The following CPNE4 variants were observed in gnomAD, a reference collection of about 807,000 sequenced individuals.
CPNE4 encodes the protein copine 4, also known as copine-4.
Under a neutral mutation model 67.9 loss-of-function variants are expected in CPNE4, and 25 were observed. That is an observed-to-expected ratio of 0.37 (90% CI 0.27 to 0.51). The LOEUF (loss-of-function observed/expected upper bound fraction) is 0.51. Among genes scored for constraint, CPNE4 ranks in the 20% least tolerant of loss-of-function variants. CPNE4 has a pLI of 0.93. For synonymous variants in CPNE4, 242 were observed against 244.9 expected, an observed-to-expected ratio of 0.99 and a Z score of 0.11; for missense variants, 464 against 690.8, an observed-to-expected ratio of 0.67 and a Z score of 3.68.
chr3:131,594,378 A>G (rs139501342), intron 7 of CPNE4, among the ~76,000 whole-genome samples: 18 of 152,346 alleles, frequency 1.2e-4, no homozygotes, highest in South Asian at 4.1e-4. Context: ...CAGAATAGAG[A>G]GGCCAAAACC....
chr3:131,656,395 G>A (rs191182509), intron 7 of CPNE4, among the ~76,000 whole-genome samples: 67 of 152,208 alleles, frequency 4.4e-4, no homozygotes, highest in Middle Eastern at 3.4e-3. Context: ...CACTAGCATC[G>A]ATATATGTGG....
intron 2 of CPNE4, among the ~76,000 whole-genome samples, chr3:131,759,800 A>G (rs1484809647): frequency 6.6e-6 from 1 of 152,232 alleles, no homozygotes; most frequent in Non-Finnish European, 1.5e-5. Context: ...AATTAGCATA[A>G]TGAGAAATGA....
chr3:131,866,768 C>T (rs2086970339), intron 2 of CPNE4, among the ~76,000 whole-genome samples: 1 of 152,252 alleles, frequency 6.6e-6, no homozygotes, highest in Non-Finnish European at 1.5e-5. Context: ...AACATGGAAA[C>T]AGGGAAGATT....
At chr3:131,793,520 C>T (rs1025818895) in intron 2 of CPNE4, among the ~76,000 whole-genome samples, 2 of 152,216 alleles carry the variant, frequency 1.3e-5, no homozygotes, top group African/African-American at 4.8e-5. Flanking sequence ...CTGGGCACCA[C>T]CCTAGACTAG....
At chr3:131,740,404 A>G (rs1224096947) in intron 2 of CPNE4, among the ~76,000 whole-genome samples, 1 of 152,178 alleles carries the variant, frequency 6.6e-6, no homozygotes, top group South Asian at 2.1e-4. Flanking sequence ...CTCAAACTTT[A>G]CATGCCTATA....
intron 6 of CPNE4, among the ~76,000 whole-genome samples, chr3:131,672,886 T>G (rs1362260131): frequency 3.3e-5 from 5 of 152,110 alleles, no homozygotes; most frequent in Non-Finnish European, 5.9e-5. Flanking sequence ...CTTGTGCTTG[T>G]GGGGTATTAT....
intron 2 of CPNE4, among the ~76,000 whole-genome samples, chr3:131,814,577 T>C: frequency 1.8e-4 from 1 of 5,508 alleles, no homozygotes; most frequent in Non-Finnish European, 3.1e-4. Context: ...ATGCAATTTT[T>C]TTTTTTTTTT....
At chr3:131,646,541 A>G (rs1223492070) in intron 7 of CPNE4, among the ~76,000 whole-genome samples, 4 of 152,146 alleles carry the variant, frequency 2.6e-5, no homozygotes, top group African/African-American at 9.7e-5. Flanking sequence ...ATTCAGAAAG[A>G]GAGAGTCCTG....
At chr3:131,759,522 T>C (rs927275019) in intron 2 of CPNE4, among the ~76,000 whole-genome samples, 2 of 152,106 alleles carry the variant, frequency 1.3e-5, no homozygotes, top group African/African-American at 4.8e-5. Flanking sequence ...GTCCTTCCCC[T>C]GCCACTCAAG....
At chr3:131,666,253 T>C (rs1208463561) in intron 7 of CPNE4, among the ~76,000 whole-genome samples, 1 of 68,856 alleles carries the variant, frequency 1.5e-5, no homozygotes, top group Non-Finnish European at 3.2e-5. Flanking sequence ...AAACATTTAA[T>C]ATAATTATAA....
At chr3:131,982,363 G>C in intron 1 of CPNE4, among the ~76,000 whole-genome samples, 1 of 152,150 alleles carries the variant, frequency 6.6e-6, no homozygotes, top group East Asian at 1.9e-4. Flanking sequence ...GAATTCTTAA[G>C]AGCCCAATTA....
Position 131,581,644 on chromosome 3 carries a change from G to T in CPNE4, c.802C>A (p.Pro268Thr), listed in dbSNP as rs756733844. The T allele has an allele frequency of 1.9e-6, 3 of 1,612,900 alleles. 1 individual carries two copies. The South Asian group carries it at 3.3e-5, about 18-fold the overall frequency. ...TTCTTCTTCTTGGCTTTGTACTTGG[G>T]ATTGATGCACTCCCACTGCACCTGA... ...GKQVQWECINPKYKAKKKNYK... is the reference protein window; with the variant it reads ...GKQVQWECINTKYKAKKKNYK... The change falls in exon 9 of 16, where the codon CCC (proline) becomes ACC (threonine). Residue 268 changes from proline to threonine, a missense_variant. By Grantham distance (38) the Pro-to-Thr change is conservative (BLOSUM62 -1). Transcript: ENST00000429747.
At chr3:131,869,204 A>G (rs532019415) in intron 2 of CPNE4, among the ~76,000 whole-genome samples, 5 of 152,218 alleles carry the variant, frequency 3.3e-5, no homozygotes, top group African/African-American at 1.2e-4. Context: ...GACAAATCTT[A>G]TCACTTCCAG....
chr3:131,775,732 T>C (rs1201201043), intron 2 of CPNE4, among the ~76,000 whole-genome samples: 1 of 152,182 alleles, frequency 6.6e-6, no homozygotes, highest in African/African-American at 2.4e-5. Flanking sequence ...CCTGTTTCTT[T>C]TGTAGATTGC....
intron 2 of CPNE4, among the ~76,000 whole-genome samples, chr3:131,890,314 T>A (rs373057124): frequency 4.6e-5 from 7 of 151,912 alleles, no homozygotes; most frequent in African/African-American, 1.7e-4. Flanking sequence ...GACATAAAAA[T>A]GGCCAACAGG....
intron 1 of CPNE4, among the ~76,000 whole-genome samples, chr3:131,996,644 A>G (rs1163723555): frequency 6.6e-6 from 1 of 151,932 alleles, no homozygotes; most frequent in Non-Finnish European, 1.5e-5. Context: ...TGCAAAGTCC[A>G]GATGTGATTG....
intron 12 of CPNE4, among the ~76,000 whole-genome samples, chr3:131,554,578 C>G (rs1936361506): frequency 6.6e-6 from 1 of 152,026 alleles, no homozygotes; most frequent in African/African-American, 2.4e-5. Context: ...CGATTCCATC[C>G]ACTATTCACT....
intron 1 of CPNE4, among the ~76,000 whole-genome samples, chr3:131,942,514 G>GA (rs1244798502): frequency 1.2e-4 from 13 of 108,098 alleles, no homozygotes; most frequent in African/African-American, 4.4e-4. Flanking sequence ...GAGAGAGAGA[G>GA]ATCATTTTAT....
chr3:131,946,370 C>G (rs1486225703), intron 1 of CPNE4, among the ~76,000 whole-genome samples: 2 of 152,150 alleles, frequency 1.3e-5, no homozygotes, highest in African/African-American at 4.8e-5. Flanking sequence ...CTTTTTATGA[C>G]TAAATATATA....
Sources: allele counts gnomAD v4.1 joint callset (sites outside exome capture counted in the v4.1 genomes callset), GRCh38; gene constraint gnomAD v4.1.1; transcripts MANE v1.5; gene names NCBI Gene and HGNC (gene_info 2026-07-23, HGNC 2026-07-21).